PNPLA7: variants seen among roughly 807,000 people sequenced by gnomAD.
PNPLA7 encodes patatin like domain 7, lysophospholipase.
In PNPLA7, 153 loss-of-function variants were observed where a neutral mutation model predicts 161.7. The ratio of observed to expected loss-of-function variants is 0.95; its 90% confidence interval spans 0.83 to 1.08. The LOEUF is 1.08. Among genes scored for constraint, PNPLA7 ranks in the 50% least tolerant of loss-of-function variants. The pLI is 0.00. For synonymous variants in PNPLA7, 809 were observed against 782.1 expected (o/e 1.03, Z -0.57); for missense variants, 1,739 against 1,856.6 (o/e 0.94, Z 1.16).
intron 12 of PNPLA7, among the ~76,000 whole-genome samples, chr9:137,510,224 G>A (rs1459876834): frequency 6.6e-6 from 1 of 152,084 alleles, no homozygotes; most frequent in Non-Finnish European, 1.5e-5. Flanking sequence ...GTTTAGAGAA[G>A]ACTCTGCTCC....
At position 137,500,225 on chromosome 9, in the gene PNPLA7, C is replaced by T. The variant is rs1479033642; in HGVS notation, c.1757+466G>A. On this transcript the variant is annotated intron_variant, in intron 16 of 34. Transcript: ENST00000406427. The surrounding 1 kb of genome is among the most constrained non-coding windows in gnomAD (Gnocchi z 5.5). ...ACACACGTCAGTGGGGCTCCTCCCCCGAGCCAGAGACGCGTCCTCACCCAC... is the reference window on the plus strand; with the variant it reads ...ACACACGTCAGTGGGGCTCCTCCCCTGAGCCAGAGACGCGTCCTCACCCAC... Among the ~76,000 whole-genome samples, 3 of 152,256 alleles carry T rather than the reference C, an allele frequency of 2.0e-5. No individual in the cohort carries two copies. The highest frequency in any genetic ancestry group is 2.9e-5 in the Non-Finnish European group (2 of 68,036).
At position 137,547,212 on chromosome 9, in the gene PNPLA7, T is replaced by C; in HGVS notation, c.193+97A>G. ...CATCAGATTCTAGCCAAAGCCACCA[T>C]GCGCTTGAGGGCCCCTCCCAGGGGC... is the stretch of plus-strand genomic sequence containing the variant. On this transcript the variant is annotated intron_variant, in intron 3 of 34. Coordinates refer to ENST00000406427, the MANE Select transcript of PNPLA7 (RefSeq NM_001098537.3). The surrounding 1 kb of genome is among the most constrained non-coding windows in gnomAD (Gnocchi z 4.6). 1 of 1,205,634 alleles carries C rather than the reference T, an allele frequency of 8.3e-7. No homozygotes were observed. Among genetic ancestry groups the C allele is most frequent in the South Asian group, 1.2e-5 (1 of 80,190 alleles). The allele number at this position is 1,205,634 out of a possible 1,614,324, so 74.7% of individuals were successfully genotyped here.
intron 20 of PNPLA7, chr9:137,492,189 G>T (rs1259123541): frequency 1.0e-6 from 1 of 985,304 alleles, no homozygotes; most frequent in East Asian, 1.1e-4. Flanking sequence ...GAATGAATAT[G>T]CTGGAGCAGG....
intron 11 of PNPLA7, among the ~76,000 whole-genome samples, chr9:137,517,375 C>T (rs1834658263): frequency 1.2e-5 from 1 of 84,988 alleles, no homozygotes; most frequent in African/African-American, 6.2e-5. Flanking sequence ...ACTCCATCTC[C>T]CACTCACTCA....
At chr9:137,491,301 A>T (rs1166425827) in intron 20 of PNPLA7, among the ~76,000 whole-genome samples, 1 of 152,244 alleles carries the variant, frequency 6.6e-6, no homozygotes, top group African/African-American at 2.4e-5. Flanking sequence ...AGTAGTGTTT[A>T]ACAACAGTGG....
At chr9:137,502,779 C>G (rs372017882) in intron 14 of PNPLA7, among the ~76,000 whole-genome samples, 1 of 33,222 alleles carries the variant, frequency 3.0e-5, no homozygotes, top group African/African-American at 1.4e-4. Flanking sequence ...TGGACGAGGC[C>G]GCTGGACAGG....
At chr9:137,473,484 A>G (rs1296027316) in intron 25 of PNPLA7, among the ~76,000 whole-genome samples, 1 of 152,262 alleles carries the variant, frequency 6.6e-6, no homozygotes, top group Non-Finnish European at 1.5e-5. Context: ...AAAATTTTAA[A>G]TGGTTCATCC....
intron 8 of PNPLA7, among the ~76,000 whole-genome samples, chr9:137,535,214 T>C (rs1835820232): frequency 6.6e-6 from 1 of 152,006 alleles, no homozygotes; most frequent in Admixed American, 6.5e-5. Context: ...TCCACATTAT[T>C]TCTGTGAGAT....
intron 20 of PNPLA7, among the ~76,000 whole-genome samples, chr9:137,487,233 C>A (rs1832532413): frequency 6.6e-6 from 1 of 152,214 alleles, no homozygotes; most frequent in African/African-American, 2.4e-5. Context: ...CCAGCTGCAT[C>A]CCCAGCTGTT....
intron 8 of PNPLA7, among the ~76,000 whole-genome samples, chr9:137,538,540 A>G (rs1836015467): frequency 1.3e-5 from 2 of 152,336 alleles, no homozygotes; most frequent in South Asian, 2.1e-4. Context: ...GAGCTCTAGA[A>G]AACTCTCCTA....
rs1386407341 is a variant in PNPLA7 at position 137,543,405 on chromosome 9, G to GC, written c.506+26dup. 6.2e-7 allele frequency: 1 copy of GC among 1,613,530 alleles called. No individual in the cohort carries two copies. The highest frequency in any genetic ancestry group is 1.7e-5 in the Admixed American group (1 of 59,990). On this transcript the variant is annotated intron_variant, in intron 6 of 34. Coordinates refer to ENST00000406427, the MANE Select transcript of PNPLA7 (RefSeq NM_001098537.3). The surrounding 1 kb of genome is among the most constrained non-coding windows in gnomAD (Gnocchi z 6.9). Reference sequence around the variant, plus strand: ...GCCCGGGGCTATGGGAGCTGCCGCAGCCCCCGGGGCTCATCCCCGCTCTTA... The same window carrying GC: ...GCCCGGGGCTATGGGAGCTGCCGCAGCCCCCCGGGGCTCATCCCCGCTCTTA...
chr9:137,487,578 T>G (rs1040613932), intron 20 of PNPLA7, among the ~76,000 whole-genome samples: 6 of 152,248 alleles, frequency 3.9e-5, no homozygotes, highest in Non-Finnish European at 7.3e-5. Flanking sequence ...CTTCATCTCG[T>G]GCCTGGGGGC....
At chr9:137,503,425 G>A (rs1241992271) in intron 14 of PNPLA7, among the ~76,000 whole-genome samples, 1 of 135,858 alleles carries the variant, frequency 7.4e-6, no homozygotes, top group Admixed American at 7.7e-5. Context: ...AAGAAAGAAA[G>A]AAGGAGAATG....
rs529175724 is a variant in PNPLA7, at chr9:137,499,293, C to T, written c.1758-1048G>A. On this transcript the variant is annotated intron_variant, in intron 16 of 34. Coordinates refer to ENST00000406427, the MANE Select transcript of PNPLA7 (RefSeq NM_001098537.3). The surrounding 1 kb of genome is among the most constrained non-coding windows in gnomAD (Gnocchi z 5.5). ...ACATGTAGACACAGAGACAGACACACGGACACATGCAGACACATGGAGACA... is the reference window on the plus strand; with the variant it reads ...ACATGTAGACACAGAGACAGACACATGGACACATGCAGACACATGGAGACA... Among the ~76,000 whole-genome samples, 8 of 151,872 alleles carry T rather than the reference C, an allele frequency of 5.3e-5. No individual in the cohort carries two copies. The highest frequency in any genetic ancestry group is 2.6e-4 in the Admixed American group (4 of 15,260).
rs899626313 is a variant in PNPLA7 at position 137,541,286 on chromosome 9, C to G, written c.667-564G>C. On this transcript the variant is annotated intron_variant, in intron 7 of 34. Coordinates refer to ENST00000406427, the MANE Select transcript of PNPLA7 (RefSeq NM_001098537.3). The surrounding 1 kb of genome is among the most constrained non-coding windows in gnomAD (Gnocchi z 4.4). ...TCTGGTCCTTCAGGAGGGCCCCGCACGAGCGGCAACGAAAGCCGCTGCTTC... is the reference window on the plus strand; with the variant it reads ...TCTGGTCCTTCAGGAGGGCCCCGCAGGAGCGGCAACGAAAGCCGCTGCTTC... 3 of 294,278 alleles carry G rather than the reference C, an allele frequency of 1.0e-5. No individual in the cohort carries two copies. The highest frequency in any genetic ancestry group is 1.5e-5 in the Non-Finnish European group (3 of 198,422). The allele number at this position is 294,278 out of a possible 1,614,324, so 18.2% of individuals were successfully genotyped here.
rs143462350 is a variant in PNPLA7, at chr9:137,534,089, C to A, written c.747+6553G>T. On this transcript the variant is annotated intron_variant, in intron 8 of 34. Coordinates refer to ENST00000406427, the MANE Select transcript of PNPLA7 (RefSeq NM_001098537.3). Reference sequence around the variant, plus strand: ...AGTGTCCACTCCAGGCGGGAGGACTCCCAGAATCCTCCACAACAGTGTCCA... The same window carrying A: ...AGTGTCCACTCCAGGCGGGAGGACTACCAGAATCCTCCACAACAGTGTCCA... 9.8e-3 allele frequency among the ~76,000 whole-genome samples: 1,474 copies of A among 150,898 alleles called. 13 individuals are homozygous for A. Among genetic ancestry groups the A allele is most frequent in the African/African-American group, 0.033 (1,329 of 40,784 alleles).
chr9:137,484,877 G>A, intron 20 of PNPLA7, 141 bp from the exon 21 acceptor site: 1 of 1,055,064 alleles, frequency 9.5e-7, no homozygotes, highest in Non-Finnish European at 1.3e-6. Flanking sequence ...CCCCAGTCCT[G>A]AGGCTGCCTG....
intron 19 of PNPLA7, among the ~76,000 whole-genome samples, chr9:137,494,553 G>A (rs376715835): frequency 1.7e-4 from 26 of 152,070 alleles, no homozygotes; most frequent in South Asian, 4.2e-4. Context: ...CCTCACCCGC[G>A]CCCTCACCTG....
At chr9:137,507,214 A>T (rs979932392) in intron 12 of PNPLA7, among the ~76,000 whole-genome samples, 8 of 152,208 alleles carry the variant, frequency 5.3e-5, no homozygotes, top group African/African-American at 1.7e-4. Context: ...GCTGTTTTTT[A>T]AAAAAATCCG....
Sources: gnomAD v4.1 joint callset for allele counts (sites outside exome capture counted in the v4.1 genomes callset) on GRCh38, gnomAD v4.1.1 for gene constraint, Gnocchi (gnomAD v3.1) non-coding constraint, MANE v1.5 for transcripts, NCBI Gene and HGNC (gene_info 2026-07-23, HGNC 2026-07-21) for gene names.